Variants in CCDC88C observed in about 807,000 individuals in gnomAD.
CCDC88C encodes protein Daple.
Under a neutral mutation model 198.8 loss-of-function variants are expected in CCDC88C, and 131 were observed. That is an observed-to-expected ratio of 0.66 (90% confidence interval 0.57 to 0.76). CCDC88C has a LOEUF of 0.76. Ranked by LOEUF, CCDC88C falls within the 30% of genes least tolerant of loss-of-function variation. The pLI, the probability that CCDC88C is intolerant of heterozygous loss-of-function variation, is 0.00. For missense variants in CCDC88C, 2,553 were observed against 2,631.6 expected (o/e 0.97, Z 0.65); for synonymous variants, 1,166 against 1,114.7 (o/e 1.05, Z -0.92).
rs546002000 is a variant in CCDC88C at position 91,384,050 on chromosome 14, C to T, written c.271-24339G>A. On this transcript the variant is annotated intron_variant, in intron 3 of 29. Coordinates refer to ENST00000389857, the MANE Select transcript of CCDC88C (RefSeq NM_001080414.4). ...TCCCGGGAAGATGTTCCTAGGGCAC[C>T]ACATCTGGGTACCAAGAGGACTGGT... Among the ~76,000 whole-genome samples the T allele has an allele frequency of 3.9e-5, 6 of 152,242 alleles. No individual in the cohort carries two copies. The South Asian group carries it at 1.2e-3, about 32-fold the overall frequency.
At chr14:91,376,457 G>GC (rs1230141183) in intron 3 of CCDC88C, among the ~76,000 whole-genome samples, 1 of 152,162 alleles carries the variant, frequency 6.6e-6, no homozygotes, top group East Asian at 1.9e-4. Context: ...TAGGACCCCT[G>GC]CCCCCCAGGA....
At chr14:91,382,002 A>G (rs1596137967) in intron 3 of CCDC88C, among the ~76,000 whole-genome samples, 1 of 151,968 alleles carries the variant, frequency 6.6e-6, no homozygotes, top group Admixed American at 6.6e-5. Context: ...ATCCTCTACT[A>G]GGATAGGTTC....
rs765387797 is a variant in CCDC88C at position 91,308,456 on chromosome 14, T to C, written c.2901A>G (p.Ala967=). ...YKILEGRNES[A]LKTTLAMKEE... ...CTTTCATGGCTAGTGTTGTTTTTAA[T>C]GCTGATTCATTTCTGCCCTCCAAAA... Residue 967 remains alanine (A), a synonymous_variant, in exon 17 of 30, where the codon GCA becomes GCG. Transcript: ENST00000389857. 3.7e-6 allele frequency: 6 copies of C among 1,614,042 alleles called. No homozygotes were observed. The South Asian group carries it at 6.6e-5, about 18-fold the overall frequency.
intron 3 of CCDC88C, among the ~76,000 whole-genome samples, chr14:91,389,389 AGGTCACTG>A (rs1885348662): frequency 1.3e-5 from 2 of 152,322 alleles, no homozygotes; most frequent in African/African-American, 4.8e-5. Flanking sequence ...TTCAAAGTCA[AGGTCACTG>A]ACCCCAAAGG....
intron 3 of CCDC88C, among the ~76,000 whole-genome samples, chr14:91,404,931 C>A (rs1886399338): frequency 6.7e-6 from 1 of 150,258 alleles, no homozygotes; most frequent in Non-Finnish European, 1.5e-5. Flanking sequence ...CGCCACTGCA[C>A]TCCAGGCTGG....
At chr14:91,414,886 G>A (rs1355042895) in intron 2 of CCDC88C, among the ~76,000 whole-genome samples, 3 of 152,114 alleles carry the variant, frequency 2.0e-5, no homozygotes, top group Admixed American at 6.5e-5. Flanking sequence ...CACCCCGGCC[G>A]AATTTAGCCA....
In CCDC88C at chr14:91,417,769, C is replaced by CGGCACA; in HGVS notation, c.-80_-79insTGTGCC. On this transcript the variant is annotated 5_prime_UTR_variant, in exon 1 of 30. Coordinates refer to ENST00000389857, the MANE Select transcript of CCDC88C (RefSeq NM_001080414.4). ...CGCGCCGCGGCACAAAACGGCTCCG[C>CGGCACA]AGCGAGCAGCGGGCGCGGGGCTGCG... 1.9e-6 allele frequency: 2 copies of CGGCACA among 1,079,792 alleles called. No homozygotes were observed. The highest frequency in any genetic ancestry group is 2.4e-6 in the Non-Finnish European group (2 of 845,572). The allele number at this position is 1,079,792 out of a possible 1,614,324, so 66.9% of individuals were successfully genotyped here. A position where few individuals can be genotyped will look rare whatever the true frequency, so the allele number is the denominator to read the frequency against.
intron 3 of CCDC88C, among the ~76,000 whole-genome samples, chr14:91,389,851 T>C (rs1488056720): frequency 6.6e-6 from 1 of 151,590 alleles, no homozygotes; most frequent in Non-Finnish European, 1.5e-5. Context: ...GGCGGGCGGA[T>C]CACAAGGTCA....
intron 3 of CCDC88C, among the ~76,000 whole-genome samples, chr14:91,377,811 C>T (rs1158390954): frequency 6.6e-6 from 1 of 152,198 alleles, no homozygotes; most frequent in Non-Finnish European, 1.5e-5. Context: ...CTGGTTGCCC[C>T]TCTGTGGGGA....
intron 3 of CCDC88C, among the ~76,000 whole-genome samples, chr14:91,387,930 T>C (rs1360406965): frequency 6.6e-6 from 1 of 152,192 alleles, no homozygotes; most frequent in East Asian, 1.9e-4. Context: ...TAAATAATAC[T>C]GACAGCCAAG....
chr14:91,273,390 G>A lies in CCDC88C; in HGVS notation c.5322C>T (p.Pro1774=), dbSNP rs1304133987. ...GGGGTCTGCCCAGAGACAGGCTCTG[G>A]GGAGGCTGGGCCTGTCTCGGGGCCA... The part of the protein sequence containing the change: ...PSVAPRQAQP[P]QSLSLGRPRQ... Residue 1774 remains proline, a synonymous_variant, in exon 30 of 30, where the codon CCC becomes CCT. Coordinates refer to ENST00000389857, the MANE Select transcript of CCDC88C (RefSeq NM_001080414.4). This position sits in a 1 kb window ranked among gnomAD's most constrained non-coding sequence, Gnocchi z 5.6. 1 of 1,535,906 alleles carries A rather than the reference G, an allele frequency of 6.5e-7. No individual in the cohort carries two copies. Among genetic ancestry groups the A allele is most frequent in the East Asian group, 2.3e-5 (1 of 43,440 alleles).
At chr14:91,276,693 GAAAGACTGAA>G (rs2139716454) in intron 29 of CCDC88C, among the ~76,000 whole-genome samples, 1 of 152,350 alleles carries the variant, frequency 6.6e-6, no homozygotes, top group South Asian at 2.1e-4. Flanking sequence ...GAATGAGATG[GAAAGACTGAA>G]AAAGGCTGAA....
Position 91,273,333 on chromosome 14 carries a change from TGCATGG to T in CCDC88C, c.5373_5378del (p.His1792_Ala1793del), listed in dbSNP as rs774716005. ...TCAAGGAGGCACTGCGGCTGGCAGG[TGCATGG>T]GAAGCTGGGGGCACCGGAGCCTGCC... is the stretch of plus-strand genomic sequence containing the variant. On this transcript the variant is annotated inframe_deletion, in exon 30 of 30. Coordinates refer to ENST00000389857, the MANE Select transcript of CCDC88C (RefSeq NM_001080414.4). The surrounding 1 kb of genome is among the most constrained non-coding windows in gnomAD (Gnocchi z 5.6). 1.8e-4 allele frequency: 285 copies of T among 1,547,848 alleles called. No homozygotes were observed. Among genetic ancestry groups the T allele is most frequent in the Admixed American group, 6.8e-4 (35 of 51,278 alleles).
Position 91,313,698 on chromosome 14 carries a change from G to T in CCDC88C, c.2118C>A (p.Asn706Lys), listed in dbSNP as rs374280851. The T allele has an allele frequency of 1.9e-6, 3 of 1,611,186 alleles. No individual in the cohort carries two copies. The highest frequency in any genetic ancestry group is 1.1e-5 in the South Asian group (1 of 91,084). The change falls in exon 15 of 30, where the codon AAC (asparagine) becomes AAA (lysine). Residue 706 changes from asparagine (N) to lysine (K), a missense_variant. Coordinates refer to ENST00000389857, the MANE Select transcript of CCDC88C (RefSeq NM_001080414.4). The surrounding 1 kb of genome is among the most constrained non-coding windows in gnomAD (Gnocchi z 5.2). The stretch of plus-strand genomic sequence containing the variant: ...TCTCCACCAGCCTGCGCAGCTCCAG[G>T]TTCTCTGCGTCCAGCTGCTTGTTGT... ...ERDNKQLDAE[N>K]LELRRLVETM...
rs1210131787 is a variant in CCDC88C, at chr14:91,273,108, G to A, written c.5604C>T (p.Gly1868=). 1 of 1,567,348 alleles carries A rather than the reference G, an allele frequency of 6.4e-7. No individual in the cohort carries two copies. Among genetic ancestry groups the A allele is most frequent in the Non-Finnish European group, 8.7e-7 (1 of 1,156,016 alleles). ...GGGGACCTGGGCCCTGACAGGAGCT[G>A]CCAGCCTTTCCCACAAGTGGGGTCC... ...RERTPLVGKA[G]SSCQGPGPRS... The change falls in exon 30 of 30, where the codon GGC becomes GGT. Residue 1868 remains glycine (G), a synonymous_variant. Transcript: ENST00000389857. This position sits in a 1 kb window ranked among gnomAD's most constrained non-coding sequence, Gnocchi z 5.6.
chr14:91,307,161 G>A lies in CCDC88C; in HGVS notation c.3072C>T (p.Phe1024=), dbSNP rs762288121. The A allele has an allele frequency of 8.1e-6, 13 of 1,613,822 alleles. No homozygotes were observed. Among genetic ancestry groups the A allele is most frequent in the South Asian group, 3.3e-5 (3 of 91,092 alleles). Residue 1024 remains phenylalanine (F), a synonymous_variant, in exon 18 of 30, where the codon TTC becomes TTT. Coordinates refer to ENST00000389857, the MANE Select transcript of CCDC88C (RefSeq NM_001080414.4). ...CGGCTGTCTTCCCCGCAGGGTGCTT[G>A]AAAGAGTTCTGCAAGTGCTGCCCCT... The part of the protein sequence containing the change: ...QGEGQHLQNS[F]KHPAGKTAAS...
intron 12 of CCDC88C, among the ~76,000 whole-genome samples, chr14:91,323,722 G>A (rs1892452867): frequency 6.6e-6 from 1 of 152,230 alleles, no homozygotes; most frequent in African/African-American, 2.4e-5. Flanking sequence ...TTTAGTTGAT[G>A]AGAGACCATC....
chr14:91,391,500 C>T (rs1039892375), intron 3 of CCDC88C, among the ~76,000 whole-genome samples: 7 of 152,098 alleles, frequency 4.6e-5, no homozygotes, highest in African/African-American at 1.7e-4. Flanking sequence ...AGAAGTAGGC[C>T]GGGCACAGTG....
intron 2 of CCDC88C, among the ~76,000 whole-genome samples, chr14:91,411,673 A>T (rs777725961): frequency 7.9e-5 from 12 of 152,118 alleles, no homozygotes; most frequent in Non-Finnish European, 1.3e-4. Context: ...ACTAGAAAAA[A>T]AGAAACTGGC....
Sources: allele counts gnomAD v4.1 joint callset (sites outside exome capture counted in the v4.1 genomes callset), GRCh38; gene constraint gnomAD v4.1.1; non-coding constraint Gnocchi (gnomAD v3.1); transcripts MANE v1.5; gene names NCBI Gene and HGNC (gene_info 2026-07-23, HGNC 2026-07-21).